Variants in CHMP7 observed in about 807,000 individuals in gnomAD.
CHMP7 encodes the protein charged multivesicular body protein 7, also known as CHMP family, member 7.
In CHMP7, 15 loss-of-function variants were observed where a neutral mutation model predicts 53.7. The observed-to-expected ratio is 0.28, with a 90% CI of 0.19 to 0.43. The LOEUF is 0.43. Ranked by LOEUF, CHMP7 falls within the 20% of genes least tolerant of loss-of-function variation. CHMP7 has a pLI of 1.00. For missense variants in CHMP7, 527 were observed against 569.4 expected, an observed-to-expected ratio of 0.93 and a Z score of 0.76; for synonymous variants, 261 against 228.0, an observed-to-expected ratio of 1.14 and a Z score of -1.30.
intron 2 of CHMP7, chr8:23,248,022 G>A (rs967136764): frequency 4.4e-6 from 2 of 455,694 alleles, no homozygotes; most frequent in Non-Finnish European, 8.8e-6. Flanking sequence ...ATATTGCCCA[G>A]GATGGTCTCG....
intron 5 of CHMP7, 77 bp from the exon 6 acceptor site, chr8:23,257,956 C>A: frequency 1.1e-6 from 1 of 947,260 alleles, no homozygotes; most frequent in Non-Finnish European, 1.7e-6. Context: ...TAACTGAGTG[C>A]TGCTCTCAGG....
At chr8:23,257,219 C>T (rs753945931) in intron 5 of CHMP7, among the ~76,000 whole-genome samples, 1 of 151,770 alleles carries the variant, frequency 6.6e-6, no homozygotes. Flanking sequence ...GCCTTAGCCT[C>T]CTGAGTAGCT....
chr8:23,255,143 C>T (rs969449120), intron 3 of CHMP7, 104 bp from the exon 4 acceptor site: 24 of 1,171,064 alleles, frequency 2.0e-5, no homozygotes, highest in Middle Eastern at 2.7e-4. Flanking sequence ...TTGGGATTCC[C>T]GGGTGCTTGC....
chr8:23,245,703 C>CA (rs1554526806), intron 1 of CHMP7, among the ~76,000 whole-genome samples: 1 of 151,934 alleles, frequency 6.6e-6, no homozygotes, highest in African/African-American at 2.4e-5. Flanking sequence ...ACTGGTACAA[C>CA]TTTTTTCTTA....
intron 3 of CHMP7, among the ~76,000 whole-genome samples, chr8:23,253,755 A>C (rs796839563): frequency 3.9e-5 from 6 of 152,290 alleles, no homozygotes; most frequent in African/African-American, 1.4e-4. Context: ...ATATCCAGTT[A>C]CCAGTGTTAT....
rs1165873473 is a variant in CHMP7, at chr8:23,246,761, C to G, written c.66C>G (p.Pro22=). 11 of 1,558,044 alleles carry G rather than the reference C, an allele frequency of 7.1e-6. No individual in the cohort carries two copies. Among genetic ancestry groups the G allele is most frequent in the African/African-American group, 1.4e-5 (1 of 73,260 alleles). Residue 22 remains proline, a synonymous_variant, in exon 2 of 11, where the codon CCC becomes CCG. Coordinates refer to ENST00000397677, the MANE Select transcript of CHMP7 (RefSeq NM_152272.5). The part of the protein sequence containing the change: ...AGGDPAGLLP[P]EWEEDEERMS... ...GAGACCCGGCGGGCCTTCTGCCCCC[C>G]GAGTGGGAGGAGGACGAGGAGCGCA...
chr8:23,258,540 G>A, intron 7 of CHMP7, 91 bp downstream of exon 7: 1 of 1,537,692 alleles, frequency 6.5e-7, no homozygotes, highest in Non-Finnish European at 8.9e-7. Flanking sequence ...GAGGATCCCT[G>A]GGTTCTTTCG....
In CHMP7 at chr8:23,250,486, C is replaced by A. The variant is rs115373083; in HGVS notation, c.471+1105C>A. Among the ~76,000 whole-genome samples the A allele has an allele frequency of 5.4e-3, 820 of 152,250 alleles. 4 individuals carry two copies. Among genetic ancestry groups the A allele is most frequent in the African/African-American group, 0.019 (791 of 41,522 alleles). On this transcript the variant is annotated intron_variant, in intron 3 of 10. Transcript: ENST00000397677. ...TCTCTTTTGTGGTACCTGGGCCCTG[C>A]CTAGTGACTGCTGTTTCCTTCTCAA...
At position 23,246,962 on chromosome 8, in the gene CHMP7, G is replaced by A; in HGVS notation, c.267G>A (p.Leu89=). The change falls in exon 2 of 11, where the codon CTG becomes CTA. Residue 89 remains leucine, a synonymous_variant. Coordinates refer to ENST00000397677, the MANE Select transcript of CHMP7 (RefSeq NM_152272.5). The stretch of plus-strand genomic sequence containing the variant: ...TTCAGCGCAAGGGGAGCGTCCCGCT[G>A]GGGCTGGCCACGGTGCTGCAGGACC... ...EAFQRKGSVP[L]GLATVLQDLL... 1 of 1,545,864 alleles carries A rather than the reference G, an allele frequency of 6.5e-7. No homozygotes were observed. The highest frequency in any genetic ancestry group is 8.7e-7 in the Non-Finnish European group (1 of 1,149,172).
intron 1 of CHMP7, among the ~76,000 whole-genome samples, chr8:23,245,169 G>A (rs1801641961): frequency 6.6e-6 from 1 of 152,164 alleles, no homozygotes; most frequent in African/African-American, 2.4e-5. Flanking sequence ...GTACAGTGTT[G>A]ACTAGGAATG....
At chr8:23,259,621 G>T (rs1011265470) in intron 9 of CHMP7, among the ~76,000 whole-genome samples, 7 of 152,146 alleles carry the variant, frequency 4.6e-5, no homozygotes, top group African/African-American at 1.7e-4. Flanking sequence ...GCCTCCCAAA[G>T]TGCTGGGGTT....
In CHMP7 at chr8:23,255,476, A is replaced by AT. The variant is rs772969108; in HGVS notation, c.657+46dup. 3.2e-6 allele frequency: 5 copies of AT among 1,581,386 alleles called. No individual in the cohort carries two copies. In the Admixed American group the frequency reaches 8.3e-5, roughly 26 times the overall value. ...TCATTCACTGACTCAGCAGTGATTGATTAAGTACATAGAGTAGTGAGCCCT... is the reference window on the plus strand; with the variant it reads ...TCATTCACTGACTCAGCAGTGATTGATTTAAGTACATAGAGTAGTGAGCCCT... On this transcript the variant is annotated intron_variant, in intron 4 of 10. Transcript: ENST00000397677.
intron 3 of CHMP7, among the ~76,000 whole-genome samples, chr8:23,250,117 C>T (rs1292095382): frequency 2.6e-5 from 4 of 152,190 alleles, no homozygotes; most frequent in South Asian, 2.1e-4. Flanking sequence ...GGGAGGCCCT[C>T]GGAGCCACAC....
rs1392021977 is a variant in CHMP7, at chr8:23,249,237, C to G, written c.327C>G (p.Asp109Glu). The change falls in exon 3 of 11, where the codon GAC becomes GAG. Residue 109 changes from aspartate (D) to glutamate (E), a missense_variant. Coordinates refer to ENST00000397677, the MANE Select transcript of CHMP7 (RefSeq NM_152272.5). ...GAGGGGAGCTGCAGCGGGAGTCAGA[C>G]TTCATGGCCAGTGTAGACAGCAGCT... ...LRRGELQRES[D>E]FMASVDSSWI... The G allele has an allele frequency of 1.2e-6, 2 of 1,602,032 alleles. No individual in the cohort carries two copies. The highest frequency in any genetic ancestry group is 2.7e-5 in the African/African-American group (2 of 74,148).
intron 5 of CHMP7, among the ~76,000 whole-genome samples, chr8:23,257,488 A>G (rs1585315239): frequency 6.6e-6 from 1 of 152,230 alleles, no homozygotes; most frequent in Admixed American, 6.5e-5. Context: ...ACTAATATTT[A>G]TTGAGCCAGG....
Position 23,247,110 on chromosome 8 carries a change from G to C in CHMP7, c.299+116G>C, listed in dbSNP as rs892699497. The C allele has an allele frequency of 8.9e-6, 9 of 1,011,164 alleles. No homozygotes were observed. In the African/African-American group the frequency reaches 1.5e-4, roughly 17 times the overall value. 62.6% of individuals were successfully genotyped at this position (1,011,164 alleles called of 1,614,324 possible). On this transcript the variant is annotated intron_variant, in intron 2 of 10. Transcript: ENST00000397677. ...TGCGCCCAGCCCAGTGTCTGGCCCA[G>C]AGAAGGCATCCAGTGTGTGTTCAGA...
Position 23,258,017 on chromosome 8 carries a change from G to A in CHMP7, c.792-16G>A. The A allele has an allele frequency of 6.2e-7, 1 of 1,602,746 alleles. No individual in the cohort carries two copies. The highest frequency in any genetic ancestry group is 2.2e-5 in the East Asian group (1 of 44,808). ...ATCCTGTGGCACAGTAATCTTATCT[G>A]TCCCTTTGTTTCCAGGTGTAAAGAA... On this transcript the variant is annotated splice_polypyrimidine_tract_variant and intron_variant, in intron 5 of 10. Coordinates refer to ENST00000397677, the MANE Select transcript of CHMP7 (RefSeq NM_152272.5).
rs751750663 is a variant in CHMP7 at position 23,260,631 on chromosome 8, A to G, written c.*32A>G. 40 of 1,547,830 alleles carry G rather than the reference A, an allele frequency of 2.6e-5. 1 individual carries two copies. The East Asian group carries it at 7.0e-4, about 27-fold the overall frequency. On this transcript the variant is annotated 3_prime_UTR_variant, in exon 11 of 11. Coordinates refer to ENST00000397677, the MANE Select transcript of CHMP7 (RefSeq NM_152272.5). ...CAAGTGAAGGACCCTCATGTAAAAG[A>G]GAGACCAGGCTTGCTGGGTGTGTAC...
In CHMP7 at chr8:23,258,713, A is replaced by G; in HGVS notation, c.961-19A>G. 6.4e-7 allele frequency: 1 copy of G among 1,552,894 alleles called. No homozygotes were observed. The highest frequency in any genetic ancestry group is 8.9e-7 in the Non-Finnish European group (1 of 1,125,194). ...CCAAATGTCTGTCATTTGCACTGATAGCTTTGCTTTGTCTTTAGGTTTTTA... is the reference window on the plus strand; with the variant it reads ...CCAAATGTCTGTCATTTGCACTGATGGCTTTGCTTTGTCTTTAGGTTTTTA... On this transcript the variant is annotated intron_variant, in intron 7 of 10. Coordinates refer to ENST00000397677, the MANE Select transcript of CHMP7 (RefSeq NM_152272.5).
Sources: allele counts gnomAD v4.1 joint callset (sites outside exome capture counted in the v4.1 genomes callset), GRCh38; gene constraint gnomAD v4.1.1; transcripts MANE v1.5; gene names NCBI Gene and HGNC (gene_info 2026-07-23, HGNC 2026-07-21).